PDE1C: variants seen among roughly 807,000 people sequenced by gnomAD.
PDE1C encodes phosphodiesterase 1C.
In PDE1C, 62 loss-of-function variants were observed where a neutral mutation model predicts 93.1. That is an observed-to-expected ratio of 0.67 (90% CI 0.54 to 0.82). PDE1C has a LOEUF of 0.82. Ranked by LOEUF, PDE1C falls within the 40% of genes least tolerant of loss-of-function variation. The probability of loss-of-function intolerance (pLI) is 0.00; values close to 1 mark genes in which losing one functional copy is unlikely to be tolerated. For missense variants in PDE1C, 742 were observed against 884.6 expected, an observed-to-expected ratio of 0.84 and a Z score of 2.04; for synonymous variants, 325 against 310.1, an observed-to-expected ratio of 1.05 and a Z score of -0.50.
chr7:31,864,584 A>G (rs920035118), intron 7 of PDE1C, among the ~76,000 whole-genome samples: 3 of 152,252 alleles, frequency 2.0e-5, no homozygotes, highest in Non-Finnish European at 4.4e-5. Context: ...TACATTGAAT[A>G]CAATTTCAGT....
At chr7:31,661,395 G>A in the PDE1C span, among the ~76,000 whole-genome samples, 1 of 152,132 alleles carries the variant, frequency 6.6e-6, no homozygotes, top group African/African-American at 2.4e-5. Flanking sequence ...GGGAAAGATA[G>A]TCTTTGGAAG....
intron 2 of PDE1C, among the ~76,000 whole-genome samples, chr7:31,884,526 C>A (rs1281484135): frequency 2.0e-5 from 3 of 152,154 alleles, no homozygotes; most frequent in Admixed American, 6.5e-5. Flanking sequence ...TTGGGTGTCA[C>A]CCATGTCAGA....
chr7:31,708,546 G>T, the PDE1C span: 16 of 152,274 alleles, frequency 1.1e-4, no homozygotes, highest in East Asian at 2.9e-3. Context: ...ACAAAGTTTT[G>T]CTTTGTTTTA....
chr7:31,964,212 G>C (rs1393346657), intron 2 of PDE1C, among the ~76,000 whole-genome samples: 3 of 152,220 alleles, frequency 2.0e-5, no homozygotes, highest in Non-Finnish European at 4.4e-5. Flanking sequence ...CCTAGTCAAA[G>C]AAAGGGATGA....
At chr7:32,294,486 C>A (rs536175410) in intron 1 of PDE1C, among the ~76,000 whole-genome samples, 1 of 152,246 alleles carries the variant, frequency 6.6e-6, no homozygotes, top group South Asian at 2.1e-4. Flanking sequence ...AATGATGGGC[C>A]CTCCCTCAGC....
At chr7:32,389,059 T>C (rs1784696667) in intron 1 of PDE1C, among the ~76,000 whole-genome samples, 1 of 152,052 alleles carries the variant, frequency 6.6e-6, no homozygotes, top group Admixed American at 6.6e-5. Context: ...TTGATTGCCA[T>C]CAAATTATAC....
In PDE1C at chr7:32,121,266, G is replaced by T. The variant is rs139482312; in HGVS notation, c.308+48519C>A. Reference sequence around the variant, plus strand: ...AAACTTACAATTGATTGGAATACCTGAAGGAGACAGGGAGAATGGAAACAA... The same window carrying T: ...AAACTTACAATTGATTGGAATACCTTAAGGAGACAGGGAGAATGGAAACAA... On this transcript the variant is annotated intron_variant, in intron 3 of 18. Transcript: ENST00000396193. Among the ~76,000 whole-genome samples, 123 of 152,262 alleles carry T rather than the reference G, an allele frequency of 8.1e-4. 3 individuals are homozygous for T. The East Asian group carries it at 0.019, about 23-fold the overall frequency.
intron 14 of PDE1C, among the ~76,000 whole-genome samples, chr7:31,821,670 T>A (rs1006355692): frequency 2.6e-5 from 4 of 152,272 alleles, no homozygotes; most frequent in African/African-American, 9.6e-5. Flanking sequence ...CCTGAAATGA[T>A]AAGGGTTCAA....
chr7:31,711,200 A>G, the PDE1C span, among the ~76,000 whole-genome samples: 13 of 152,232 alleles, frequency 8.5e-5, no homozygotes, highest in African/African-American at 3.1e-4. Flanking sequence ...TATAATACAG[A>G]TCCTCGTGTT....
the PDE1C span, among the ~76,000 whole-genome samples, chr7:31,690,239 G>A: frequency 5.3e-5 from 8 of 152,180 alleles, no homozygotes; most frequent in South Asian, 2.1e-4. Flanking sequence ...AAAATCTAGC[G>A]TGGTAGATAG....
intron 2 of PDE1C, among the ~76,000 whole-genome samples, chr7:32,036,403 T>C (rs1283663396): frequency 6.6e-6 from 1 of 152,068 alleles, no homozygotes; most frequent in Admixed American, 6.6e-5. Context: ...ATGCCCTACG[T>C]TTCACCTTAA....
At chr7:32,004,156 A>G (rs1396030385) in intron 2 of PDE1C, among the ~76,000 whole-genome samples, 1 of 152,142 alleles carries the variant, frequency 6.6e-6, no homozygotes, top group Non-Finnish European at 1.5e-5. Context: ...CAAGATCACT[A>G]GAAAGATCTT....
At chr7:31,854,521 T>C (rs1793753465) in intron 7 of PDE1C, among the ~76,000 whole-genome samples, 1 of 152,162 alleles carries the variant, frequency 6.6e-6, no homozygotes, top group Admixed American at 6.5e-5. Flanking sequence ...CAAGTGGTAA[T>C]TGGGGACCTT....
At chr7:31,855,007 C>T (rs1039473880) in intron 7 of PDE1C, among the ~76,000 whole-genome samples, 46 of 143,494 alleles carry the variant, frequency 3.2e-4, no homozygotes, top group African/African-American at 1.1e-3. Flanking sequence ...GCGGAGGTTG[C>T]AGTGAGCTGA....
At position 32,349,732 on chromosome 7, in the gene PDE1C, C is replaced by T. The variant is rs1256569991; in HGVS notation, c.310+78090G>A. The stretch of plus-strand genomic sequence containing the variant: ...GCAACCTCCACCTCTCGGGTTCAAG[C>T]GATTCTTCTGCCTGAGCCTCCCAAG... On this transcript the variant is annotated intron_variant, in intron 1 of 1. Transcript: ENST00000672256. Among the ~76,000 whole-genome samples the T allele has an allele frequency of 3.9e-5, 6 of 152,152 alleles. No homozygotes were observed. In the South Asian group the frequency reaches 1.2e-3, roughly 32 times the overall value.
At chr7:31,969,543 A>G (rs1410193094) in intron 2 of PDE1C, among the ~76,000 whole-genome samples, 1 of 152,138 alleles carries the variant, frequency 6.6e-6, no homozygotes, top group Non-Finnish European at 1.5e-5. Flanking sequence ...CACTGTTGGG[A>G]GGACTGTAAA....
chr7:31,971,192 A>G (rs1810907523), intron 2 of PDE1C, among the ~76,000 whole-genome samples: 1 of 152,206 alleles, frequency 6.6e-6, no homozygotes, highest in Non-Finnish European at 1.5e-5. Flanking sequence ...GCAGAATCAG[A>G]GGAAATGTAT....
chr7:31,960,757 AAAGT>A, intron 2 of PDE1C, among the ~76,000 whole-genome samples: 1 of 152,246 alleles, frequency 6.6e-6, no homozygotes, highest in African/African-American at 2.4e-5. Context: ...TTCAAAATAA[AAAGT>A]AAGTAAAATA....
At chr7:31,799,397 T>C (rs1311167349) in intron 16 of PDE1C, among the ~76,000 whole-genome samples, 8 of 151,656 alleles carry the variant, frequency 5.3e-5, no homozygotes, top group Non-Finnish European at 1.0e-4. Context: ...GAAAATTAAA[T>C]ACCACTCAAG....
Sources: gnomAD v4.1 joint callset for allele counts (sites outside exome capture counted in the v4.1 genomes callset) on GRCh38, gnomAD v4.1.1 for gene constraint, MANE v1.5 for transcripts, NCBI Gene and HGNC (gene_info 2026-07-23, HGNC 2026-07-21) for gene names.